The following ZNF780A variants were observed in gnomAD, a reference collection of about 807,000 sequenced individuals.
ZNF780A encodes zinc finger protein 780A.
Under a neutral mutation model 56.7 loss-of-function variants are expected in ZNF780A, and 40 were observed. That is an observed-to-expected ratio of 0.71 (90% CI 0.55 to 0.92). ZNF780A has a LOEUF of 0.92. Ranked by LOEUF, ZNF780A falls within the 40% of genes least tolerant of loss-of-function variation. ZNF780A has a pLI of 0.00. For synonymous variants in ZNF780A, 231 were observed against 248.3 expected, an observed-to-expected ratio of 0.93 and a Z score of 0.66; for missense variants, 672 against 783.3, an observed-to-expected ratio of 0.86 and a Z score of 1.70.
At chr19:40,082,258 A>G (rs993578602) in intron 4 of ZNF780A, among the ~76,000 whole-genome samples, 9 of 152,192 alleles carry the variant, frequency 5.9e-5, no homozygotes, top group African/African-American at 1.9e-4. Context: ...CAGTTTTCCC[A>G]ACTCTAAAAT....
At chr19:40,070,053 T>C (rs1973766760), downstream of ZNF780A, 1 of 152,142 alleles carries the variant, frequency 6.6e-6, no homozygotes, top group South Asian at 2.1e-4. Flanking sequence ...ATTCAATACA[T>C]TTCACAATAA....
rs1973921447 is a variant in ZNF780A, at chr19:40,073,661, C to A, written c.*855G>T. On this transcript the variant is annotated 3_prime_UTR_variant, in exon 6 of 6. Coordinates refer to ENST00000683561, the MANE Select transcript of ZNF780A (RefSeq NM_001142578.2). The stretch of plus-strand genomic sequence containing the variant: ...AGGTATTTAGTGTGGCTATAAAACG[C>A]CCCACATTCCTTACACTCAAAGATT... The A allele has an allele frequency of 2.0e-6, 2 of 985,880 alleles. No individual in the cohort carries two copies. The highest frequency in any genetic ancestry group is 1.7e-5 in the African/African-American group (1 of 57,220). The allele number at this position is 985,880 out of a possible 1,614,324, so 61.1% of individuals were successfully genotyped here. A position where few individuals can be genotyped will look rare whatever the true frequency, so the allele number is the denominator to read the frequency against.
intron 2 of ZNF780A, among the ~76,000 whole-genome samples, chr19:40,087,090 T>G (rs892276223): frequency 6.6e-6 from 1 of 152,212 alleles, no homozygotes; most frequent in African/African-American, 2.4e-5. Context: ...TAATTCCTTA[T>G]AGACATCATT....
Position 40,075,741 on chromosome 19 carries a change from G to A in ZNF780A, c.701C>T (p.Thr234Ile). 6 of 1,613,878 alleles carry A rather than the reference G, an allele frequency of 3.7e-6. No individual in the cohort carries two copies. Among genetic ancestry groups the A allele is most frequent in the Non-Finnish European group, 5.1e-6 (6 of 1,179,960 alleles). The change falls in exon 6 of 6, where the codon ACC becomes ATC. Residue 234 changes from threonine to isoleucine, a missense_variant. Physicochemically the swap from Thr to Ile is moderately conservative, Grantham distance 89. Transcript: ENST00000683561. Reference protein sequence around the residue: ...NECGKAFSLLTLLNRHKNIHT... With the variant: ...NECGKAFSLLILLNRHKNIHT... ...AATGTTCTTATGGCGATTAAGCAGG[G>A]TAAGAAGACTAAAGGCCTTTCCACA...
chr19:40,076,757 G>A (rs1974158177), intron 5 of ZNF780A, among the ~76,000 whole-genome samples: 1 of 152,058 alleles, frequency 6.6e-6, no homozygotes, highest in Admixed American at 6.6e-5. Context: ...CACCATCTGG[G>A]GACCTGGGGA....
chr19:40,075,742 T>C lies in ZNF780A; in HGVS notation c.700A>G (p.Thr234Ala). 6.2e-7 allele frequency: 1 copy of C among 1,614,118 alleles called. No individual in the cohort carries two copies. The highest frequency in any genetic ancestry group is 8.5e-7 in the Non-Finnish European group (1 of 1,180,012). The change falls in exon 6 of 6, where the codon ACC becomes GCC. Residue 234 changes from threonine to alanine, a missense_variant. Thr to Ala is a moderately conservative substitution (Grantham distance 58). Transcript: ENST00000683561. The part of the protein sequence containing the change: ...NECGKAFSLL[T>A]LLNRHKNIHT... ...ATGTTCTTATGGCGATTAAGCAGGG[T>C]AAGAAGACTAAAGGCCTTTCCACAT... is the stretch of plus-strand genomic sequence containing the variant.
At chr19:40,072,668 A>AG (rs1214263949), downstream of ZNF780A, 42 of 1,007,460 alleles carry the variant, frequency 4.2e-5, no homozygotes, top group African/African-American at 4.1e-4. Flanking sequence ...AAAAAAAAAA[A>AG]AAGAAGAATG....
At chr19:40,077,444 A>T (rs1476575968) in intron 5 of ZNF780A, among the ~76,000 whole-genome samples, 2 of 152,096 alleles carry the variant, frequency 1.3e-5, no homozygotes, top group African/African-American at 4.8e-5. Flanking sequence ...TATACTTTTA[A>T]ACAACCAGGT....
At chr19:40,081,996 C>G in intron 4 of ZNF780A, 82 bp from the exon 5 acceptor site, 1 of 910,444 alleles carries the variant, frequency 1.1e-6, no homozygotes, top group East Asian at 2.7e-5. Flanking sequence ...CTTAAACTTA[C>G]AATAAATTAC....
intron 5 of ZNF780A, 26 bp downstream of exon 5, chr19:40,081,793 C>T: frequency 6.3e-7 from 1 of 1,578,648 alleles, no homozygotes; most frequent in Non-Finnish European, 8.7e-7. Flanking sequence ...TGATGGCTTC[C>T]CCCCGCCTGC....
At chr19:40,084,332 C>G (rs930283192) in intron 3 of ZNF780A, among the ~76,000 whole-genome samples, 1 of 152,194 alleles carries the variant, frequency 6.6e-6, no homozygotes, top group Non-Finnish European at 1.5e-5. Context: ...CACTTGCAGA[C>G]TGAGGCTACT....
chr19:40,086,444 T>C (rs898618902), intron 2 of ZNF780A, among the ~76,000 whole-genome samples: 1 of 152,200 alleles, frequency 6.6e-6, no homozygotes, highest in African/African-American at 2.4e-5. Context: ...CCTTTAGCTG[T>C]ATCTCACCAA....
At chr19:40,078,408 C>T (rs1049846552) in intron 5 of ZNF780A, among the ~76,000 whole-genome samples, 13 of 152,102 alleles carry the variant, frequency 8.5e-5, no homozygotes, top group Non-Finnish European at 1.6e-4. Context: ...CCAATTCTAG[C>T]AAGAGATGTA....
chr19:40,084,648 T>C lies in ZNF780A; in HGVS notation c.9+97A>G. 4 of 1,276,162 alleles carry C rather than the reference T, an allele frequency of 3.1e-6. No homozygotes were observed. The South Asian group carries it at 4.3e-5, about 14-fold the overall frequency. 79.1% of individuals were successfully genotyped at this position (1,276,162 alleles called of 1,614,324 possible). ...TAATGGGACAAACTGGGGTGTAAGA[T>C]CGTGAATTCTAGGTACGAAGCTTCA... On this transcript the variant is annotated intron_variant, in intron 3 of 5. Transcript: ENST00000683561.
intron 5 of ZNF780A, among the ~76,000 whole-genome samples, chr19:40,078,632 A>G (rs1467597542): frequency 6.6e-6 from 1 of 152,210 alleles, no homozygotes; most frequent in Non-Finnish European, 1.5e-5. Context: ...ATGAAATGGT[A>G]TATTCAAAAT....
In ZNF780A at chr19:40,075,233, G is replaced by A. The variant is rs1409329954; in HGVS notation, c.1209C>T (p.Asn403=). Residue 403 remains asparagine, a synonymous_variant, in exon 6 of 6, where the codon AAC becomes AAT. Coordinates refer to ENST00000683561, the MANE Select transcript of ZNF780A (RefSeq NM_001142578.2). ...ECGKSFNRSS[N]LVQHQSIHAG... The stretch of plus-strand genomic sequence containing the variant: ...CATGAATACTCTGATGTTGAACAAG[G>A]TTTGAGCTACGATTAAAGGACTTCC... The A allele has an allele frequency of 2.5e-6, 4 of 1,612,076 alleles. No homozygotes were observed. The African/African-American group carries it at 5.4e-5, about 22-fold the overall frequency.
At chr19:40,090,723 C>G (rs1975117926) in intron 1 of ZNF780A, 183 bp downstream of exon 1, 2 of 152,720 alleles carry the variant, frequency 1.3e-5, no homozygotes, top group Admixed American at 1.3e-4. Context: ...TCACAATCCC[C>G]CTCCTCTGAT....
At position 40,074,908 on chromosome 19, in the gene ZNF780A, G is replaced by C. The variant is rs749406909; in HGVS notation, c.1534C>G (p.Leu512Val). 19 of 1,614,080 alleles carry C rather than the reference G, an allele frequency of 1.2e-5. No homozygotes were observed. Among genetic ancestry groups the C allele is most frequent in the Non-Finnish European group, 1.5e-5 (18 of 1,179,992 alleles). ...ECKECGKAFR[L>V]YLQLSQHQKT... ...TGATGTTGGGAAAGTTGTAGGTAAA[G>C]TCTAAAAGCCTTCCCACACTCCTTA... The change falls in exon 6 of 6, where the codon CTT becomes GTT. Residue 512 changes from leucine (L) to valine (V), a missense_variant. Transcript: ENST00000683561.
downstream of ZNF780A, chr19:40,070,045 T>C (rs1973766340): frequency 6.6e-6 from 1 of 152,100 alleles, no homozygotes; most frequent in Admixed American, 6.5e-5. Flanking sequence ...AATGAAATAT[T>C]CAATACATTT....
Sources: allele counts gnomAD v4.1 joint callset (sites outside exome capture counted in the v4.1 genomes callset), GRCh38; gene constraint gnomAD v4.1.1; transcripts MANE v1.5; gene names NCBI Gene and HGNC (gene_info 2026-07-23, HGNC 2026-07-21).